The following CCDC175 variants were observed in gnomAD, a reference collection of about 807,000 sequenced individuals.
CCDC175 encodes the protein coiled-coil domain-containing protein 175.
CCDC175 carries 100 observed loss-of-function variants against 114.6 expected under a neutral mutation model. That is an observed-to-expected ratio of 0.87 (90% CI 0.74 to 1.03). The LOEUF (loss-of-function observed/expected upper bound fraction) is 1.03. CCDC175 is among the 50% of genes least tolerant of loss of function. The pLI, the probability that CCDC175 is intolerant of heterozygous loss-of-function variation, is 0.00. For missense variants in CCDC175, 880 were observed against 917.8 expected (o/e 0.96, Z 0.53); for synonymous variants, 306 against 308.7 (o/e 0.99, Z 0.09).
chr14:59,550,764 G>A (rs1321676929), intron 8 of CCDC175, among the ~76,000 whole-genome samples: 1 of 152,054 alleles, frequency 6.6e-6, no homozygotes, highest in Non-Finnish European at 1.5e-5. Flanking sequence ...GTCTTTTCAC[G>A]TTTTTCTGCC....
At chr14:59,573,728 C>T (rs1366061727) in intron 2 of CCDC175, among the ~76,000 whole-genome samples, 1 of 151,482 alleles carries the variant, frequency 6.6e-6, no homozygotes, top group African/African-American at 2.4e-5. Flanking sequence ...AATTCTCCTA[C>T]AAGCCTCCCA....
At chr14:59,551,502 C>T in intron 7 of CCDC175, 66 bp from the exon 8 acceptor site, 1 of 754,020 alleles carries the variant, frequency 1.3e-6, no homozygotes, top group Non-Finnish European at 2.0e-6. Flanking sequence ...GGCAAGGTGG[C>T]CAAATAGGAA....
chr14:59,517,300 G>C (rs1893149073), intron 17 of CCDC175, among the ~76,000 whole-genome samples: 1 of 152,196 alleles, frequency 6.6e-6, no homozygotes, highest in African/African-American at 2.4e-5. Flanking sequence ...ATTCAACATA[G>C]TGTTGGAAGT....
chr14:59,563,765 AT>A lies in CCDC175; in HGVS notation c.814del (p.Ile272Ter). The A allele has an allele frequency of 1.4e-6, 2 of 1,438,932 alleles. No homozygotes were observed. The highest frequency in any genetic ancestry group is 5.5e-5 in the Admixed American group (2 of 36,434). 89.1% of individuals were successfully genotyped at this position (1,438,932 alleles called of 1,614,324 possible). Reference sequence around the variant, plus strand: ...TGCGGAAACAGTAACTGTTTCTTTTATTTTTGACATTTTAGTTTGTAATTTA... The same window carrying A: ...TGCGGAAACAGTAACTGTTTCTTTTATTTTGACATTTTAGTTTGTAATTTA... ...LDKLQTKMSK[I>X]KETVTVSAAV... On this transcript the variant is annotated frameshift_variant, in exon 6 of 20. Transcript: ENST00000537690. LOFTEE classifies it high-confidence loss of function.
intron 6 of CCDC175, among the ~76,000 whole-genome samples, chr14:59,563,077 T>C (rs963742262): frequency 7.9e-5 from 12 of 152,216 alleles, no homozygotes; most frequent in Non-Finnish European, 1.3e-4. Context: ...GTTCAATTAA[T>C]TGTGATAAGA....
intron 17 of CCDC175, among the ~76,000 whole-genome samples, chr14:59,516,512 A>G (rs979820184): frequency 3.3e-5 from 5 of 152,254 alleles, no homozygotes; most frequent in Non-Finnish European, 7.3e-5. Flanking sequence ...ACAGAAATAC[A>G]AACTACCATC....
At chr14:59,531,669 G>T (rs528522007) in intron 14 of CCDC175, 103 bp downstream of exon 14, 5 of 796,028 alleles carry the variant, frequency 6.3e-6, no homozygotes, top group African/African-American at 1.8e-5. Flanking sequence ...AAAGTTTGGT[G>T]AGTTTCACCA....
chr14:59,545,050 G>A, intron 9 of CCDC175, 113 bp downstream of exon 9: 1 of 1,079,786 alleles, frequency 9.3e-7, no homozygotes, highest in Non-Finnish European at 1.3e-6. Flanking sequence ...TTTCATTTTT[G>A]TCAATAGATT....
intron 10 of CCDC175, among the ~76,000 whole-genome samples, chr14:59,542,769 C>G (rs1894863854): frequency 6.6e-6 from 1 of 152,012 alleles, no homozygotes; most frequent in Admixed American, 6.6e-5. Flanking sequence ...CAACTGTTAA[C>G]ATTTTACCTT....
At chr14:59,555,242 A>T (rs12878965) in intron 7 of CCDC175, among the ~76,000 whole-genome samples, 1 of 152,090 alleles carries the variant, frequency 6.6e-6, no homozygotes, top group African/African-American at 2.4e-5. Flanking sequence ...CGAATCCAGC[A>T]GCACATCAAA....
intron 6 of CCDC175, among the ~76,000 whole-genome samples, chr14:59,562,516 A>G (rs1483956426): frequency 6.6e-6 from 1 of 152,232 alleles, no homozygotes; most frequent in Non-Finnish European, 1.5e-5. Context: ...TGTAGAACTA[A>G]GATTTGAACG....
Position 59,530,442 on chromosome 14 carries a change from G to C in CCDC175, c.1762+1330C>G, listed in dbSNP as rs987456192. 2.1e-5 allele frequency among the ~76,000 whole-genome samples: 3 copies of C among 145,102 alleles called. No individual in the cohort carries two copies. In the Admixed American group the frequency reaches 2.1e-4, roughly 10 times the overall value. On this transcript the variant is annotated intron_variant, in intron 14 of 19. Coordinates refer to ENST00000537690, the MANE Select transcript of CCDC175 (RefSeq NM_001164399.2). ...AGAAAGAAAAGGAAAGGAAAGGAAG[G>C]GAAGGGGAGGGGAGAGGAGGGGAGG...
chr14:59,505,328 A>C lies in CCDC175; in HGVS notation c.2306-13T>G, dbSNP rs1892278009. 3 of 1,414,058 alleles carry C rather than the reference A, an allele frequency of 2.1e-6. No homozygotes were observed. The highest frequency in any genetic ancestry group is 9.4e-7 in the Non-Finnish European group (1 of 1,058,534). The allele number at this position is 1,414,058 out of a possible 1,614,324, so 87.6% of individuals were successfully genotyped here. ...TGTTTCTTCTTCTCTGTAGGAATAA[A>C]AAATAAATATAAAAATTTTATTTGT... On this transcript the variant is annotated splice_polypyrimidine_tract_variant and intron_variant, in intron 19 of 19. Transcript: ENST00000537690.
At chr14:59,565,970 G>C (rs1249033835) in intron 4 of CCDC175, among the ~76,000 whole-genome samples, 2 of 152,176 alleles carry the variant, frequency 1.3e-5, no homozygotes, top group East Asian at 3.9e-4. Context: ...GAGATAGGCT[G>C]TTAAGCTAAA....
intron 17 of CCDC175, 57 bp downstream of exon 17, chr14:59,521,517 A>G: frequency 1.1e-6 from 1 of 906,982 alleles, no homozygotes; most frequent in East Asian, 2.6e-5. Context: ...CATATATCCT[A>G]TTAGTTCTGT....
intron 7 of CCDC175, among the ~76,000 whole-genome samples, chr14:59,555,204 A>C (rs1895807474): frequency 6.6e-6 from 1 of 152,178 alleles, no homozygotes; most frequent in Non-Finnish European, 1.5e-5. Flanking sequence ...ACATCGATGA[A>C]AAAATCCTCA....
chr14:59,548,026 G>C (rs577950188), intron 8 of CCDC175, among the ~76,000 whole-genome samples: 15 of 152,254 alleles, frequency 9.9e-5, no homozygotes, highest in African/African-American at 3.6e-4. Context: ...GCACTATTCA[G>C]AGTAGCTAAG....
rs190695707 is a variant in CCDC175, at chr14:59,551,040, A to G, written c.1035+315T>C. On this transcript the variant is annotated intron_variant, in intron 8 of 19. Coordinates refer to ENST00000537690, the MANE Select transcript of CCDC175 (RefSeq NM_001164399.2). ...TTCACAGGCGTAGCACACAACAGCA[A>G]GAAGATTCTAACTTTCTAAATAATT... is the stretch of plus-strand genomic sequence containing the variant. 2.7e-3 allele frequency: 490 copies of G among 180,308 alleles called. 5 individuals carry two copies. The highest frequency in any genetic ancestry group is 2.1e-3 in the Non-Finnish European group (185 of 87,140). 11.2% of individuals were successfully genotyped at this position (180,308 alleles called of 1,614,324 possible).
chr14:59,544,230 G>T (rs1178579431), intron 9 of CCDC175, among the ~76,000 whole-genome samples: 1 of 152,114 alleles, frequency 6.6e-6, no homozygotes, highest in Non-Finnish European at 1.5e-5. Flanking sequence ...GCAATGGTAT[G>T]ATCTTAGCTT....
Sources: allele counts gnomAD v4.1 joint callset (sites outside exome capture counted in the v4.1 genomes callset), GRCh38; gene constraint gnomAD v4.1.1; transcripts MANE v1.5; gene names NCBI Gene and HGNC (gene_info 2026-07-23, HGNC 2026-07-21).